The following CAMK1G variants were observed in gnomAD, a reference collection of about 807,000 sequenced individuals.
The protein encoded by CAMK1G is calcium/calmodulin dependent protein kinase IG, also known as calcium/calmodulin-dependent protein kinase type 1G.
CAMK1G carries 27 observed loss-of-function variants against 54.8 expected under a neutral mutation model. The ratio of observed to expected loss-of-function variants is 0.49; its 90% confidence interval spans 0.36 to 0.68. CAMK1G has a LOEUF of 0.68. Ranked by LOEUF, CAMK1G falls within the 30% of genes least tolerant of loss-of-function variation. The pLI is 0.00. For synonymous variants in CAMK1G, 238 were observed against 224.9 expected (o/e 1.06, Z -0.52); for missense variants, 512 against 591.0 (o/e 0.87, Z 1.39).
intron 8 of CAMK1G, among the ~76,000 whole-genome samples, chr1:209,609,639 G>A (rs368852201): frequency 1.3e-5 from 2 of 152,234 alleles, no homozygotes; most frequent in Non-Finnish European, 2.9e-5. Flanking sequence ...TGCTGTGTGG[G>A]TGAGGCGGCT....
chr1:209,612,293 C>T (rs1665803459), intron 11 of CAMK1G, 77 bp downstream of exon 11: 1 of 1,480,502 alleles, frequency 6.8e-7, no homozygotes, highest in South Asian at 1.2e-5. Flanking sequence ...AAGAAATGGA[C>T]ACAAAGGCCT....
intron 1 of CAMK1G, among the ~76,000 whole-genome samples, chr1:209,592,028 G>A (rs1197011117): frequency 6.6e-6 from 1 of 152,136 alleles, no homozygotes; most frequent in East Asian, 1.9e-4. Context: ...CCTGATTGTA[G>A]CTGTTGCCAC....
rs199573100 is a variant in CAMK1G, at chr1:209,609,974, C to T, written c.827+45C>T. ...GACTCTAGACCCCAGCCCTGTAGTT[C>T]CCAAAACCATGCTGACTCATTCATA... is the stretch of plus-strand genomic sequence containing the variant. On this transcript the variant is annotated intron_variant, in intron 9 of 12. Coordinates refer to ENST00000361322, the MANE Select transcript of CAMK1G (RefSeq NM_020439.3). 3.1e-3 allele frequency: 4,562 copies of T among 1,476,798 alleles called. 19 individuals carry two copies. The highest frequency in any genetic ancestry group is 4.0e-3 in the Non-Finnish European group (4,177 of 1,055,170). The allele number at this position is 1,476,798 out of a possible 1,614,324, so 91.5% of individuals were successfully genotyped here. A position where few individuals can be genotyped will look rare whatever the true frequency, so the allele number is the denominator to read the frequency against.
At chr1:209,584,168 C>T (rs1033451561) in intron 1 of CAMK1G, among the ~76,000 whole-genome samples, 1 of 152,150 alleles carries the variant, frequency 6.6e-6, no homozygotes. Flanking sequence ...CTCTTGCACC[C>T]CTCCCTCCTG....
At chr1:209,595,991 T>C (rs890530927) in intron 2 of CAMK1G, among the ~76,000 whole-genome samples, 2 of 152,232 alleles carry the variant, frequency 1.3e-5, no homozygotes, top group Non-Finnish European at 2.9e-5. Context: ...GGTCAGCTAA[T>C]TAGTCTAGGC....
At position 209,609,704 on chromosome 1, in the gene CAMK1G, T is replaced by C. The variant is rs971502933; in HGVS notation, c.749-147T>C. ...TGGGTTGTTGTTAGGTGGTTTGGAT[T>C]TTTTTTCCTCTTCTAAGACTCTTAA... is the stretch of plus-strand genomic sequence containing the variant. On this transcript the variant is annotated intron_variant, in intron 8 of 12. Transcript: ENST00000361322. 5.5e-5 allele frequency: 41 copies of C among 749,048 alleles called. No individual in the cohort carries two copies. The African/African-American group carries it at 6.8e-4, about 12-fold the overall frequency. The allele number at this position is 749,048 out of a possible 1,614,324, so 46.4% of individuals were successfully genotyped here.
intron 2 of CAMK1G, among the ~76,000 whole-genome samples, chr1:209,598,907 C>G (rs1297561352): frequency 1.3e-5 from 2 of 152,166 alleles, no homozygotes; most frequent in African/African-American, 2.4e-5. Flanking sequence ...AGTTCAAGAC[C>G]AGTTTGGGCA....
chr1:209,599,595 A>G (rs1482748049), intron 2 of CAMK1G, among the ~76,000 whole-genome samples: 1 of 152,228 alleles, frequency 6.6e-6, no homozygotes, highest in African/African-American at 2.4e-5. Context: ...ACCATAGGAC[A>G]GTTCTCAACT....
chr1:209,600,152 CA>C (rs1308545550), intron 3 of CAMK1G, 41 bp downstream of exon 3: 5 of 1,594,590 alleles, frequency 3.1e-6, no homozygotes, highest in Non-Finnish European at 2.6e-6. Context: ...TATGGGATCA[CA>C]ACATTTTCTT....
intron 1 of CAMK1G, among the ~76,000 whole-genome samples, chr1:209,588,201 C>T (rs866937106): frequency 3.5e-4 from 54 of 152,306 alleles, no homozygotes; most frequent in African/African-American, 1.3e-3. Context: ...TATCTGTGAG[C>T]TTAAGATTGC....
At chr1:209,601,814 A>G (rs150318202) in intron 3 of CAMK1G, among the ~76,000 whole-genome samples, 89 of 152,344 alleles carry the variant, frequency 5.8e-4, no homozygotes, top group Middle Eastern at 3.4e-3. Flanking sequence ...ATTAAGCATT[A>G]TGCATTATCT....
chr1:209,612,162 G>C lies in CAMK1G; in HGVS notation c.1286G>C (p.Gly429Ala). ...AGCTGCCTGAACATTGGGAGCAAAG[G>C]AAAGTCCTCCTACTGCTCTGAGCCC... is the stretch of plus-strand genomic sequence containing the variant. The part of the protein sequence containing the change: ...CSSCLNIGSK[G>A]KSSYCSEPTL... Residue 429 changes from glycine (G) to alanine (A), a missense_variant, in exon 11 of 13, where the codon GGA (glycine) becomes GCA (alanine). By Grantham distance (60) the Gly-to-Ala change is moderately conservative. Coordinates refer to ENST00000361322, the MANE Select transcript of CAMK1G (RefSeq NM_020439.3). The C allele has an allele frequency of 6.2e-7, 1 of 1,614,186 alleles. No homozygotes were observed.
At chr1:209,596,065 G>A (rs928183052) in intron 2 of CAMK1G, among the ~76,000 whole-genome samples, 13 of 152,210 alleles carry the variant, frequency 8.5e-5, no homozygotes, top group Non-Finnish European at 1.5e-4. Context: ...TTTCTCTGTC[G>A]CCAATGTCAC....
chr1:209,611,694 C>A, intron 10 of CAMK1G, 98 bp from the exon 11 acceptor site: 1 of 1,500,384 alleles, frequency 6.7e-7, no homozygotes. Flanking sequence ...GAGAAGTGGG[C>A]ACCCAGGTTT....
intron 1 of CAMK1G, among the ~76,000 whole-genome samples, chr1:209,584,511 G>A (rs1255675871): frequency 6.6e-6 from 1 of 152,088 alleles, no homozygotes; most frequent in Non-Finnish European, 1.5e-5. Flanking sequence ...TACCTCTCAA[G>A]TGAAGATCTT....
chr1:209,612,137 A>C lies in CAMK1G; in HGVS notation c.1261A>C (p.Ser421Arg), dbSNP rs1324919560. The C allele has an allele frequency of 1.9e-6, 3 of 1,614,032 alleles. No homozygotes were observed. The highest frequency in any genetic ancestry group is 2.5e-6 in the Non-Finnish European group (3 of 1,179,966). The change falls in exon 11 of 13, where the codon AGC becomes CGC. Residue 421 changes from serine to arginine, a missense_variant. This residue lies in a region of CAMK1G where 315 missense variants were observed against 330.5 expected (regional missense o/e 0.95). Coordinates refer to ENST00000361322, the MANE Select transcript of CAMK1G (RefSeq NM_020439.3). ...LAAGPCGCCSSCLNIGSKGKS... is the reference protein window; with the variant it reads ...LAAGPCGCCSRCLNIGSKGKS... ...CGCCGGGCCCTGTGGCTGCTGCTCC[A>C]GCTGCCTGAACATTGGGAGCAAAGG...
rs1458271604 is a variant in CAMK1G at position 209,612,229 on chromosome 1, A to C, written c.1340+13A>C. 3.1e-6 allele frequency: 5 copies of C among 1,609,172 alleles called. No individual in the cohort carries two copies. In the South Asian group the frequency reaches 5.5e-5, roughly 18 times the overall value. Reference sequence around the variant, plus strand: ...CCAACAAAAAACAGTACGTATTTTTAGCCAAAGATGGAGCCCCAGCTTGGG... The same window carrying C: ...CCAACAAAAAACAGTACGTATTTTTCGCCAAAGATGGAGCCCCAGCTTGGG... On this transcript the variant is annotated intron_variant, in intron 11 of 12. Coordinates refer to ENST00000361322, the MANE Select transcript of CAMK1G (RefSeq NM_020439.3).
chr1:209,609,104 A>G lies in CAMK1G; in HGVS notation c.748+12A>G, dbSNP rs781620827. 3 of 1,614,102 alleles carry G rather than the reference A, an allele frequency of 1.9e-6. No homozygotes were observed. In the Admixed American group the frequency reaches 5.0e-5, roughly 27 times the overall value. ...CATTTCTGAGTCAGGTAAGGCCAGT[A>G]GGCATGAAGGAGAGATAACAGGCTC... is the stretch of plus-strand genomic sequence containing the variant. On this transcript the variant is annotated intron_variant, in intron 8 of 12. Coordinates refer to ENST00000361322, the MANE Select transcript of CAMK1G (RefSeq NM_020439.3).
Position 209,611,846 on chromosome 1 carries a change from C to G in CAMK1G, c.970C>G (p.Leu324Val). 3 of 1,614,214 alleles carry G rather than the reference C, an allele frequency of 1.9e-6. No individual in the cohort carries two copies. Among genetic ancestry groups the G allele is most frequent in the Non-Finnish European group, 1.7e-6 (2 of 1,180,048 alleles). The change falls in exon 11 of 13, where the codon CTG (leucine) becomes GTG (valine). Residue 324 changes from leucine (L) to valine (V), a missense_variant. By Grantham distance (32) the Leu-to-Val change is conservative. Around this residue, in one of 3 missense-constraint regions of CAMK1G, gnomAD observed 315 missense variants for 330.5 expected, o/e 0.95. Coordinates refer to ENST00000361322, the MANE Select transcript of CAMK1G (RefSeq NM_020439.3). ...VHHMRKLHMNLHSPGVRPEVE... is the reference protein window; with the variant it reads ...VHHMRKLHMNVHSPGVRPEVE... ...CCACATGAGGAAGCTACACATGAAC[C>G]TGCACAGCCCGGGCGTCCGCCCAGA...
Sources: allele counts gnomAD v4.1 joint callset (sites outside exome capture counted in the v4.1 genomes callset), GRCh38; gene constraint gnomAD v4.1.1; regional missense constraint gnomAD v4.1.1; transcripts MANE v1.5; gene names NCBI Gene and HGNC (gene_info 2026-07-23, HGNC 2026-07-21).